The following THSD7B variants were observed in gnomAD, a reference collection of about 807,000 sequenced individuals.
THSD7B encodes the protein thrombospondin type 1 domain containing 7B, also known as thrombospondin type-1 domain-containing protein 7B.
In THSD7B, 138 loss-of-function variants were observed where a neutral mutation model predicts 213.6. The ratio of observed to expected loss-of-function variants is 0.65; its 90% CI spans 0.56 to 0.74. The LOEUF is 0.74. THSD7B is among the 30% of genes least tolerant of loss of function. The pLI is 0.00. For missense variants in THSD7B, 1,931 were observed against 1,991.5 expected, an observed-to-expected ratio of 0.97 and a Z score of 0.58; for synonymous variants, 742 against 687.0, an observed-to-expected ratio of 1.08 and a Z score of -1.25.
intron 1 of THSD7B, among the ~76,000 whole-genome samples, chr2:136,775,251 T>G (rs1437270894): frequency 6.6e-6 from 1 of 152,104 alleles, no homozygotes; most frequent in East Asian, 1.9e-4. Context: ...TTAATTGAAT[T>G]TACACATGTG....
intron 1 of THSD7B, among the ~76,000 whole-genome samples, chr2:136,810,987 G>A (rs1417750702): frequency 6.6e-6 from 1 of 152,094 alleles, no homozygotes; most frequent in East Asian, 1.9e-4. Flanking sequence ...CTCAACACAC[G>A]GTTTTAAATA....
At chr2:137,316,796 C>T (rs758236209) in intron 12 of THSD7B, among the ~76,000 whole-genome samples, 1 of 150,758 alleles carries the variant, frequency 6.6e-6, no homozygotes, top group Non-Finnish European at 1.5e-5. Context: ...GAAAAGGCGA[C>T]CAGGTTCTTA....
At chr2:137,054,106 T>C (rs1039195293) in intron 2 of THSD7B, among the ~76,000 whole-genome samples, 1 of 152,174 alleles carries the variant, frequency 6.6e-6, no homozygotes, top group Non-Finnish European at 1.5e-5. Context: ...AGTAAAGAAT[T>C]GTGAGTAATC....
chr2:137,194,948 T>C (rs1001099956), intron 7 of THSD7B, among the ~76,000 whole-genome samples: 1 of 152,246 alleles, frequency 6.6e-6, no homozygotes, highest in Admixed American at 6.5e-5. Context: ...TAATATATGA[T>C]TAATAGTGGT....
chr2:136,996,826 G>A (rs1685900600), intron 2 of THSD7B, among the ~76,000 whole-genome samples: 1 of 152,168 alleles, frequency 6.6e-6, no homozygotes, highest in Non-Finnish European at 1.5e-5. Flanking sequence ...CGAGAGAGCT[G>A]TCCTTTAATT....
chr2:137,056,337 A>T, intron 2 of THSD7B, 83 bp from the exon 3 acceptor site: 1 of 1,370,794 alleles, frequency 7.3e-7, no homozygotes, highest in Non-Finnish European at 9.8e-7. Flanking sequence ...TGTGTTGGAA[A>T]GTGTGTTAAT....
chr2:136,970,360 G>C (rs1320603789), intron 2 of THSD7B, among the ~76,000 whole-genome samples: 2 of 152,054 alleles, frequency 1.3e-5, no homozygotes, highest in Non-Finnish European at 2.9e-5. Context: ...CTGCTCCTTG[G>C]GAGGTTGAGG....
At chr2:137,181,014 C>T (rs758884388) in intron 7 of THSD7B, among the ~76,000 whole-genome samples, 12 of 152,102 alleles carry the variant, frequency 7.9e-5, no homozygotes, top group South Asian at 2.1e-4. Flanking sequence ...ACCTGTACAA[C>T]GAAAACATAA....
At chr2:137,640,364 A>G (rs1682917394) in intron 20 of THSD7B, among the ~76,000 whole-genome samples, 1 of 152,046 alleles carries the variant, frequency 6.6e-6, no homozygotes, top group African/African-American at 2.4e-5. Flanking sequence ...GTCTAATTAA[A>G]CTTCTATTTC....
At chr2:137,191,152 T>C (rs906588502) in intron 7 of THSD7B, among the ~76,000 whole-genome samples, 1 of 152,202 alleles carries the variant, frequency 6.6e-6, no homozygotes, top group African/African-American at 2.4e-5. Context: ...GTGACACCAC[T>C]CTTCCTGAGA....
intron 15 of THSD7B, among the ~76,000 whole-genome samples, chr2:137,490,347 T>C (rs1458653838): frequency 6.6e-6 from 1 of 152,216 alleles, no homozygotes; most frequent in Non-Finnish European, 1.5e-5. Context: ...ACAAAGACCA[T>C]ATCTAAAAAA....
chr2:137,009,232 G>C (rs1686177461), intron 2 of THSD7B, among the ~76,000 whole-genome samples: 1 of 152,074 alleles, frequency 6.6e-6, no homozygotes, highest in African/African-American at 2.4e-5. Flanking sequence ...GTCCACAATG[G>C]GGCTTATCAT....
Position 137,620,611 on chromosome 2 carries a change from T to G in THSD7B, c.3684T>G (p.His1228Gln). The G allele has an allele frequency of 6.2e-7, 1 of 1,612,248 alleles. No homozygotes were observed. Residue 1228 changes from histidine (H) to glutamine (Q), a missense_variant and splice_region_variant, in exon 20 of 28, where the codon CAT becomes CAG. Transcript: ENST00000409968. ...KPVSMDQCEQ[H>Q]NLEKPQRMSI... is the part of the protein sequence containing the mutation. ...TTGTGTTTCATTTCCATTTGCAGCATAATTTGGAGAAGCCCCAGAGAATGA... is the reference window on the plus strand; with the variant it reads ...TTGTGTTTCATTTCCATTTGCAGCAGAATTTGGAGAAGCCCCAGAGAATGA...
chr2:137,431,309 A>C (rs952781317), intron 14 of THSD7B, among the ~76,000 whole-genome samples: 1 of 152,166 alleles, frequency 6.6e-6, no homozygotes, highest in Non-Finnish European at 1.5e-5. Flanking sequence ...AATTGACAGA[A>C]AGGGAATGTT....
chr2:137,272,430 G>A lies in THSD7B; in HGVS notation c.2267-103G>A, dbSNP rs1313472311. ...TCGTTCCCAGGTTGACTTTCCACAT[G>A]TGCTTACTTTATCTCTCTCTCTTTT... is the stretch of plus-strand genomic sequence containing the variant. On this transcript the variant is annotated intron_variant, in intron 10 of 27. Coordinates refer to ENST00000409968, the MANE Select transcript of THSD7B (RefSeq NM_001316349.2). The A allele has an allele frequency of 2.1e-5, 26 of 1,224,050 alleles. No homozygotes were observed. The Admixed American group carries it at 7.1e-4, about 33-fold the overall frequency. The allele number at this position is 1,224,050 out of a possible 1,614,324, so 75.8% of individuals were successfully genotyped here. A position where few individuals can be genotyped will look rare whatever the true frequency, so the allele number is the denominator to read the frequency against.
intron 12 of THSD7B, among the ~76,000 whole-genome samples, chr2:137,357,433 T>C (rs1325372389): frequency 5.3e-5 from 8 of 151,864 alleles, no homozygotes; most frequent in Admixed American, 5.2e-4. Flanking sequence ...GTTTGTTTGT[T>C]TACAAACTGA....
intron 1 of THSD7B, among the ~76,000 whole-genome samples, chr2:136,771,129 T>C (rs558287945): frequency 1.4e-4 from 22 of 152,290 alleles, no homozygotes; most frequent in African/African-American, 5.1e-4. Flanking sequence ...TTATTTTTTT[T>C]CAATCTCTGT....
intron 21 of THSD7B, among the ~76,000 whole-genome samples, chr2:137,643,346 T>C (rs556764885): frequency 6.6e-6 from 1 of 152,322 alleles, no homozygotes; most frequent in South Asian, 2.1e-4. Context: ...GTAACAATAA[T>C]TTTGATTATG....
chr2:137,374,353 C>G (rs1685603659), intron 12 of THSD7B, among the ~76,000 whole-genome samples: 1 of 151,998 alleles, frequency 6.6e-6, no homozygotes, highest in Admixed American at 6.6e-5. Flanking sequence ...AATCCTTTAC[C>G]TCTTGTTCAT....
Sources: allele counts gnomAD v4.1 joint callset (sites outside exome capture counted in the v4.1 genomes callset), GRCh38; gene constraint gnomAD v4.1.1; transcripts MANE v1.5; gene names NCBI Gene and HGNC (gene_info 2026-07-23, HGNC 2026-07-21).